KCNIP4: variants seen among roughly 807,000 people sequenced by gnomAD.
The protein encoded by KCNIP4 is potassium voltage-gated channel interacting protein 4, also known as Kv channel-interacting protein 4.
A neutral mutation model predicts 34.0 loss-of-function variants in KCNIP4; 12 were observed. The observed-to-expected ratio is 0.35, with a 90% confidence interval of 0.23 to 0.57. The LOEUF is 0.57. Among genes scored for constraint, KCNIP4 ranks in the 20% least tolerant of loss-of-function variants. The pLI is 0.83. For synonymous variants in KCNIP4, 124 were observed against 102.2 expected (o/e 1.21, Z -1.29); for missense variants, 238 against 311.7 (o/e 0.76, Z 1.78).
At chr4:21,344,366 A>C (rs1318315457) in intron 1 of KCNIP4, among the ~76,000 whole-genome samples, 2 of 152,176 alleles carry the variant, frequency 1.3e-5, no homozygotes, top group African/African-American at 4.8e-5. Context: ...GGAGTGAAAT[A>C]AGCCCTGGAG....
chr4:21,248,663 C>T (rs1221194568), intron 1 of KCNIP4, among the ~76,000 whole-genome samples: 2 of 152,150 alleles, frequency 1.3e-5, no homozygotes, highest in Non-Finnish European at 2.9e-5. Context: ...GATAATAGAG[C>T]CCAATTCCAG....
chr4:21,308,648 A>G (rs1316560247), intron 1 of KCNIP4, among the ~76,000 whole-genome samples: 2 of 152,098 alleles, frequency 1.3e-5, no homozygotes, highest in Non-Finnish European at 2.9e-5. Context: ...GACTTTTTAA[A>G]AGATTTCTCG....
At chr4:20,759,018 T>A (rs1754721176) in intron 3 of KCNIP4, 128 bp from the exon 4 acceptor site, 1 of 668,224 alleles carries the variant, frequency 1.5e-6, no homozygotes, top group Admixed American at 2.8e-5. Context: ...CATCCATTAT[T>A]ACAAAGGGAA....
At chr4:21,610,976 AC>A (rs1310332850) in intron 1 of KCNIP4, among the ~76,000 whole-genome samples, 1 of 149,756 alleles carries the variant, frequency 6.7e-6, no homozygotes, top group Non-Finnish European at 1.5e-5. Context: ...CTAGACCCCC[AC>A]CCCCTGACAG....
chr4:21,276,513 T>A (rs1578006444), intron 1 of KCNIP4, among the ~76,000 whole-genome samples: 1 of 152,094 alleles, frequency 6.6e-6, no homozygotes, highest in Non-Finnish European at 1.5e-5. Flanking sequence ...TCTTTTCATG[T>A]CTTTAGGTCA....
intron 1 of KCNIP4, among the ~76,000 whole-genome samples, chr4:21,151,406 A>ATTTT (rs35983306): frequency 1.6e-4 from 8 of 51,316 alleles, no homozygotes; most frequent in Admixed American, 5.2e-4. Context: ...ACAAAAGACA[A>ATTTT]TTTTTTTTTT....
At chr4:21,706,067 T>G (rs1274558889) in intron 1 of KCNIP4, among the ~76,000 whole-genome samples, 2 of 152,192 alleles carry the variant, frequency 1.3e-5, no homozygotes, top group African/African-American at 4.8e-5. Flanking sequence ...GGAAGAGAAC[T>G]ATACAAATAT....
At chr4:20,842,911 A>ATT (rs536947465) in intron 3 of KCNIP4, among the ~76,000 whole-genome samples, 2,646 of 143,410 alleles carry the variant, frequency 0.018, 78 homozygotes, top group African/African-American at 0.06. Flanking sequence ...CTGGATTTAC[A>ATT]TTTTTTTTTT....
At chr4:21,420,951 A>C (rs1725401481) in intron 1 of KCNIP4, among the ~76,000 whole-genome samples, 1 of 152,202 alleles carries the variant, frequency 6.6e-6, no homozygotes, top group Admixed American at 6.5e-5. Context: ...GCAAGATAAC[A>C]AAAAGCATGA....
At chr4:21,325,887 C>T (rs898607417) in intron 1 of KCNIP4, among the ~76,000 whole-genome samples, 1 of 151,718 alleles carries the variant, frequency 6.6e-6, no homozygotes, top group African/African-American at 2.4e-5. Flanking sequence ...TGTTTAATTT[C>T]TATGTGTTTG....
At chr4:21,549,335 T>C (rs1738374796) in intron 1 of KCNIP4, among the ~76,000 whole-genome samples, 1 of 151,882 alleles carries the variant, frequency 6.6e-6, no homozygotes, top group African/African-American at 2.4e-5. Context: ...ATGGTGAATG[T>C]GGGGCCTGGT....
rs59134256 is a variant in KCNIP4, at chr4:20,842,581, C to CAAAAAAAAAAA, written c.288+7951_288+7961dup. ...GGCAATTGAGTCTCTCTTCTAATGGCAAAAAAAAAAAAAAAAAAAAAAAAA... is the reference window on the plus strand; with the variant it reads ...GGCAATTGAGTCTCTCTTCTAATGGCAAAAAAAAAAAAAAAAAAAAAAAAAAAAAAAAAAAA... On this transcript the variant is annotated intron_variant, in intron 3 of 8. Coordinates refer to ENST00000382152, the MANE Select transcript of KCNIP4 (RefSeq NM_025221.6). 9.3e-4 allele frequency among the ~76,000 whole-genome samples: 65 copies of CAAAAAAAAAAA among 69,690 alleles called. 2 individuals carry two copies. The highest frequency in any genetic ancestry group is 3.8e-3 in the African/African-American group (64 of 17,064). 45.7% of individuals were successfully genotyped at this position (69,690 alleles called of 152,430 possible).
chr4:21,419,761 A>G (rs995210431), intron 1 of KCNIP4, among the ~76,000 whole-genome samples: 1 of 152,176 alleles, frequency 6.6e-6, no homozygotes, highest in Non-Finnish European at 1.5e-5. Flanking sequence ...AGTCATTGTT[A>G]TAAACAATCC....
At chr4:21,002,869 T>TTA (rs1738258728) in intron 1 of KCNIP4, among the ~76,000 whole-genome samples, 1 of 152,204 alleles carries the variant, frequency 6.6e-6, no homozygotes, top group African/African-American at 2.4e-5. Context: ...CTGTGTTTCT[T>TTA]ATCTTTAAAT....
At chr4:20,940,879 A>T (rs1311227908) in intron 1 of KCNIP4, among the ~76,000 whole-genome samples, 6 of 152,210 alleles carry the variant, frequency 3.9e-5, no homozygotes, top group Admixed American at 2.0e-4. Flanking sequence ...AGGTAGAGAA[A>T]GACTGTGGAG....
rs117328251 is a variant in KCNIP4, at chr4:21,265,311, A to G, written c.62-382602T>C. ...AGAGGATGGGGAGTGATGAGATATT[A>G]GGTTATTGCTTAAAAGGAATTAGGA... On this transcript the variant is annotated intron_variant, in intron 1 of 8. Coordinates refer to ENST00000382152, the MANE Select transcript of KCNIP4 (RefSeq NM_025221.6). Among the ~76,000 whole-genome samples the G allele has an allele frequency of 1.1e-4, 17 of 152,296 alleles. No individual in the cohort carries two copies. The East Asian group carries it at 1.9e-3, about 17-fold the overall frequency.
intron 1 of KCNIP4, among the ~76,000 whole-genome samples, chr4:21,712,750 T>A (rs59497071): frequency 1.3e-5 from 2 of 152,110 alleles, no homozygotes; most frequent in African/African-American, 4.8e-5. Context: ...TTGTGTGAGA[T>A]TTAAAAGTAA....
chr4:20,850,488 T>C, intron 3 of KCNIP4, 55 bp downstream of exon 3: 1 of 1,584,762 alleles, frequency 6.3e-7, no homozygotes, highest in Non-Finnish European at 8.6e-7. Context: ...TCCTCTCATT[T>C]CTCAATGCTC....
At chr4:21,606,503 T>G (rs1378276007) in intron 1 of KCNIP4, among the ~76,000 whole-genome samples, 1 of 152,204 alleles carries the variant, frequency 6.6e-6, no homozygotes, top group Non-Finnish European at 1.5e-5. Flanking sequence ...CTCAGTGGAC[T>G]GAAATCAAGG....
Sources: allele counts gnomAD v4.1 joint callset (sites outside exome capture counted in the v4.1 genomes callset), GRCh38; gene constraint gnomAD v4.1.1; transcripts MANE v1.5; gene names NCBI Gene and HGNC (gene_info 2026-07-23, HGNC 2026-07-21).